ZMAT3: variants seen among roughly 807,000 people sequenced by gnomAD.
ZMAT3 encodes the protein zinc finger matrin-type 3.
ZMAT3 carries 17 observed loss-of-function variants against 32.3 expected under a neutral mutation model. That is an observed-to-expected ratio of 0.53 (90% CI 0.36 to 0.79). ZMAT3 has a LOEUF of 0.79. ZMAT3 is among the 30% of genes least tolerant of loss of function. The pLI is 0.00. For missense variants in ZMAT3, 329 were observed against 359.7 expected, an observed-to-expected ratio of 0.91 and a Z score of 0.69; for synonymous variants, 120 against 133.1, an observed-to-expected ratio of 0.90 and a Z score of 0.68.
rs1718758326 is a variant in ZMAT3, at chr3:179,024,631, T to C, written c.*386A>G. 1 of 191,430 alleles carries C rather than the reference T, an allele frequency of 5.2e-6. No homozygotes were observed. The highest frequency in any genetic ancestry group is 5.3e-5 in the Admixed American group (1 of 18,994). 11.9% of individuals were successfully genotyped at this position (191,430 alleles called of 1,614,324 possible). On this transcript the variant is annotated 3_prime_UTR_variant, in exon 6 of 6. Transcript: ENST00000311417. ...ATCTAAAAAGAATTCAGTACAATTC[T>C]TTAACAGTACATAAAACTAAAATTG...
chr3:179,027,921 AC>A (rs1718969752), intron 3 of ZMAT3, 109 bp from the exon 4 acceptor site: 6 of 1,093,092 alleles, frequency 5.5e-6, no homozygotes, highest in Non-Finnish European at 7.7e-6. Flanking sequence ...ATATGGCATG[AC>A]CACAAGCATT....
intron 3 of ZMAT3, 59 bp downstream of exon 3, chr3:179,030,821 A>T (rs1005420440): frequency 6.4e-7 from 1 of 1,567,654 alleles, no homozygotes; most frequent in Non-Finnish European, 8.6e-7. Context: ...ATCTATAACC[A>T]TTTGTGCATA....
chr3:179,058,573 G>A (rs1318210513), intron 2 of ZMAT3, among the ~76,000 whole-genome samples: 14 of 152,144 alleles, frequency 9.2e-5, no homozygotes, highest in African/African-American at 2.6e-4. Context: ...TAGCTAAAAC[G>A]GTGAAACCCC....
intron 2 of ZMAT3, among the ~76,000 whole-genome samples, chr3:179,062,660 G>A (rs1447765707): frequency 6.6e-6 from 1 of 152,168 alleles, no homozygotes; most frequent in Admixed American, 6.5e-5. Context: ...TGATTATTGG[G>A]TAAATGGACT....
In ZMAT3 at chr3:179,040,013, C is replaced by G. The variant is rs576623812; in HGVS notation, c.271-9014G>C. Reference sequence around the variant, plus strand: ...GATCAAATTAATTAATGAAATAAAGCAAGAAGACATGGTTAGAAAAAAAGA... The same window carrying G: ...GATCAAATTAATTAATGAAATAAAGGAAGAAGACATGGTTAGAAAAAAAGA... On this transcript the variant is annotated intron_variant, in intron 2 of 5. Coordinates refer to ENST00000311417, the MANE Select transcript of ZMAT3 (RefSeq NM_022470.4). Among the ~76,000 whole-genome samples, 6 of 151,966 alleles carry G rather than the reference C, an allele frequency of 3.9e-5. No individual in the cohort carries two copies. The South Asian group carries it at 8.3e-4, about 21-fold the overall frequency.
rs186257473 is a variant in ZMAT3 at position 179,030,903 on chromosome 3, G to A, written c.367C>T (p.Pro123Ser). 7.4e-6 allele frequency: 12 copies of A among 1,613,716 alleles called. No homozygotes were observed. The Admixed American group carries it at 1.5e-4, about 20-fold the overall frequency. The change falls in exon 3 of 6, where the codon CCA (proline) becomes TCA (serine). Residue 123 changes from proline (P) to serine (S), a missense_variant. Coordinates refer to ENST00000311417, the MANE Select transcript of ZMAT3 (RefSeq NM_022470.4). ...ACCTGCGGAGGGACTGGAACAACTG[G>A]AGTAGCTGCAGGCTCGACCACATTG... is the stretch of plus-strand genomic sequence containing the variant. ...MSNVVEPAAT[P>S]VVPVPPQMGS...
intron 2 of ZMAT3, among the ~76,000 whole-genome samples, chr3:179,060,827 A>G (rs1318478898): frequency 1.3e-5 from 2 of 152,146 alleles, no homozygotes; most frequent in Non-Finnish European, 2.9e-5. Flanking sequence ...CCAGGGGAAA[A>G]AAAAGAAAGA....
rs1259054660 is a variant in ZMAT3, at chr3:179,032,083, G to A, written c.271-1084C>T. 1.6e-3 allele frequency among the ~76,000 whole-genome samples: 215 copies of A among 138,372 alleles called. 2 individuals carry two copies. Among genetic ancestry groups the A allele is most frequent in the East Asian group, 0.013 (59 of 4,508 alleles). The allele number at this position is 138,372 out of a possible 152,430, so 90.8% of individuals were successfully genotyped here. A position where few individuals can be genotyped will look rare whatever the true frequency, so the allele number is the denominator to read the frequency against. ...AGGCTGGACTGCTTGCCGCCATCTC[G>A]GCTCACTGCAACCTCCCTGCCTGAT... On this transcript the variant is annotated intron_variant, in intron 2 of 5. Coordinates refer to ENST00000311417, the MANE Select transcript of ZMAT3 (RefSeq NM_022470.4).
At chr3:179,054,365 G>A (rs1720722526) in intron 2 of ZMAT3, among the ~76,000 whole-genome samples, 2 of 152,168 alleles carry the variant, frequency 1.3e-5, no homozygotes, top group Non-Finnish European at 2.9e-5. Flanking sequence ...CATCTAGCGA[G>A]TAGTAAGACC....
intron 2 of ZMAT3, among the ~76,000 whole-genome samples, chr3:179,049,528 G>A (rs1720426556): frequency 6.6e-6 from 1 of 152,140 alleles, no homozygotes; most frequent in African/African-American, 2.4e-5. Flanking sequence ...TCAAAACCAT[G>A]CGAATACATG....
chr3:179,046,439 C>T lies in ZMAT3; in HGVS notation c.271-15440G>A, dbSNP rs534820451. On this transcript the variant is annotated intron_variant, in intron 2 of 5. Coordinates refer to ENST00000311417, the MANE Select transcript of ZMAT3 (RefSeq NM_022470.4). This position sits in a 1 kb window ranked among gnomAD's most constrained non-coding sequence, Gnocchi z 4.3. The stretch of plus-strand genomic sequence containing the variant: ...AGATGGACAGAGCAGTGTGTGGAGA[C>T]CCATATCATGAAATTTTGCTCCAAG... 5.8e-4 allele frequency among the ~76,000 whole-genome samples: 89 copies of T among 152,216 alleles called. No individual in the cohort carries two copies. The highest frequency in any genetic ancestry group is 2.2e-3 in the Admixed American group (33 of 15,292).
At chr3:179,032,267 G>A (rs1719293022) in intron 2 of ZMAT3, among the ~76,000 whole-genome samples, 1 of 151,812 alleles carries the variant, frequency 6.6e-6, no homozygotes, top group Admixed American at 6.6e-5. Context: ...GCCTCCCGAG[G>A]TGCCGGGATT....
At chr3:179,043,995 C>T (rs1008691119) in intron 2 of ZMAT3, among the ~76,000 whole-genome samples, 6 of 152,164 alleles carry the variant, frequency 3.9e-5, no homozygotes, top group African/African-American at 1.2e-4. Context: ...CATCATTCGT[C>T]GTCAGAGAAA....
rs1718733008 is a variant in ZMAT3 at position 179,024,327 on chromosome 3, A to G, written c.*690T>C. ...CTGGGAAAGACCCTAACAGTTTCTA[A>G]TAATGTATCCTACTGACAATGCATT... On this transcript the variant is annotated 3_prime_UTR_variant, in exon 6 of 6. Transcript: ENST00000311417. The G allele has an allele frequency of 6.6e-6, 1 of 152,254 alleles. No individual in the cohort carries two copies. Among genetic ancestry groups the G allele is most frequent in the Non-Finnish European group, 1.5e-5 (1 of 68,060 alleles). 9.4% of individuals were successfully genotyped at this position (152,254 alleles called of 1,614,324 possible).
rs1048629668 is a variant in ZMAT3 at position 179,021,131 on chromosome 3, A to C, written c.*3886T>G. ...GTTGGAGGAGGAACTTTTTCCAAAT[A>C]AATGGTATAAAAAAATTATTCACCT... On this transcript the variant is annotated 3_prime_UTR_variant, in exon 6 of 6. Transcript: ENST00000311417. 31 of 152,326 alleles carry C rather than the reference A, an allele frequency of 2.0e-4. No homozygotes were observed. Among genetic ancestry groups the C allele is most frequent in the African/African-American group, 7.5e-4 (31 of 41,578 alleles). The allele number at this position is 152,326 out of a possible 1,614,324, so 9.4% of individuals were successfully genotyped here. A position where few individuals can be genotyped will look rare whatever the true frequency, so the allele number is the denominator to read the frequency against.
intron 2 of ZMAT3, among the ~76,000 whole-genome samples, chr3:179,059,511 C>T (rs1259505879): frequency 3.3e-5 from 5 of 152,200 alleles, no homozygotes; most frequent in Non-Finnish European, 7.3e-5. Context: ...AAATAAACCC[C>T]TGCACTGCAG....
chr3:179,055,780 C>T (rs1411400212), intron 2 of ZMAT3, among the ~76,000 whole-genome samples: 3 of 152,192 alleles, frequency 2.0e-5, no homozygotes, highest in Non-Finnish European at 4.4e-5. Flanking sequence ...AATGTTACTA[C>T]TAAATCAGAC....
At chr3:179,056,341 C>T (rs1037469304) in intron 2 of ZMAT3, among the ~76,000 whole-genome samples, 1 of 152,012 alleles carries the variant, frequency 6.6e-6, no homozygotes, top group Middle Eastern at 3.4e-3. Context: ...AGGGGGGGTC[C>T]ACTACTTTAG....
chr3:179,067,504 C>G lies in ZMAT3; in HGVS notation c.249G>C (p.Gln83His), dbSNP rs2108591674. Reference protein sequence around the residue: ...KLCNVTLNSAQQAQAHYQGKN... With the variant: ...KLCNVTLNSAHQAQAHYQGKN... The stretch of plus-strand genomic sequence containing the variant: ...TTACCTGATAATGAGCCTGGGCTTG[C>G]TGTGCAGAGTTCAAGGTGACATTGC... Residue 83 changes from glutamine (Q) to histidine (H), a missense_variant, in exon 2 of 6, where the codon CAG (glutamine) becomes CAC (histidine). By Grantham distance (24) the Gln-to-His change is conservative. Coordinates refer to ENST00000311417, the MANE Select transcript of ZMAT3 (RefSeq NM_022470.4). 1 of 1,614,156 alleles carries G rather than the reference C, an allele frequency of 6.2e-7. No individual in the cohort carries two copies. Among genetic ancestry groups the G allele is most frequent in the Non-Finnish European group, 8.5e-7 (1 of 1,180,024 alleles).
Sources: gnomAD v4.1 joint callset for allele counts (sites outside exome capture counted in the v4.1 genomes callset) on GRCh38, gnomAD v4.1.1 for gene constraint, Gnocchi (gnomAD v3.1) non-coding constraint, MANE v1.5 for transcripts, NCBI Gene and HGNC (gene_info 2026-07-23, HGNC 2026-07-21) for gene names.